Variants in HSP90AA1 observed in about 807,000 individuals in gnomAD.
HSP90AA1 encodes the protein heat shock protein 90 alpha family class A member 1, also known as heat shock protein HSP 90-alpha.
Under a neutral mutation model 73.3 loss-of-function variants are expected in HSP90AA1, and 18 were observed. That is an observed-to-expected ratio of 0.25 (90% CI 0.17 to 0.36). The LOEUF is 0.36. HSP90AA1 is among the 10% of genes least tolerant of loss of function. The pLI, the probability that HSP90AA1 is intolerant of heterozygous loss-of-function variation, is 1.00. For missense variants in HSP90AA1, 704 were observed against 874.2 expected (o/e 0.81, Z 2.45); for synonymous variants, 477 against 296.9 (o/e 1.61, Z -6.24).
Position 102,108,211 on chromosome 14 carries a change from C to T in HSP90AA1, c.156-6126G>A, listed in dbSNP as rs367841771. On this transcript the variant is annotated intron_variant, in intron 1 of 11. Coordinates refer to the HSP90AA1 transcript ENST00000334701. ...CTGGGAGGTTGAGGCTGCAGTGAGC[C>T]ATAATCATGACATTGCACTACAGCG... Among the ~76,000 whole-genome samples the T allele has an allele frequency of 1.2e-3, 153 of 132,820 alleles. 1 individual carries two copies. Among genetic ancestry groups the T allele is most frequent in the African/African-American group, 4.1e-3 (148 of 36,302 alleles). 87.1% of individuals were successfully genotyped at this position (132,820 alleles called of 152,430 possible).
intron 2 of HSP90AA1, among the ~76,000 whole-genome samples, chr14:102,094,984 C>G (rs1458878886): frequency 6.6e-6 from 1 of 152,082 alleles, no homozygotes; most frequent in East Asian, 1.9e-4. Flanking sequence ...CCCAGAGGCT[C>G]CCGGGTGGGT....
At chr14:102,135,585 C>T (rs1388462523) in intron 1 of HSP90AA1, among the ~76,000 whole-genome samples, 4 of 152,238 alleles carry the variant, frequency 2.6e-5, no homozygotes, top group Non-Finnish European at 5.9e-5. Flanking sequence ...GGGGAGGCTC[C>T]GGCCGCACAG....
chr14:102,121,678 C>G (rs545085804), intron 1 of HSP90AA1, among the ~76,000 whole-genome samples: 1 of 152,150 alleles, frequency 6.6e-6, no homozygotes, highest in South Asian at 2.1e-4. Context: ...AAAATAGTTT[C>G]AATTTGCATT....
intron 1 of HSP90AA1, among the ~76,000 whole-genome samples, chr14:102,117,452 C>A (rs144942327): frequency 6.5e-4 from 98 of 150,508 alleles, no homozygotes; most frequent in African/African-American, 2.3e-3. Context: ...GAGCTGAAGA[C>A]AGGATGACCA....
At chr14:102,101,920 T>G (rs749928374) in exon 2 of HSP90AA1, 2 of 1,614,178 alleles carry the variant, frequency 1.2e-6, no homozygotes, top group South Asian at 1.1e-5. Context: ...TGTAGAGGTG[T>G]TGCCCTGCAC....
At chr14:102,139,561 G>GC in exon 1 of HSP90AA1, 1 of 795,846 alleles carries the variant, frequency 1.3e-6, no homozygotes, top group Admixed American at 2.9e-5. Context: ...CATGACACCA[G>GC]CCCCGCCGCG....
intron 2 of HSP90AA1, among the ~76,000 whole-genome samples, chr14:102,097,413 T>C (rs947677248): frequency 2.0e-5 from 3 of 151,534 alleles, no homozygotes; most frequent in African/African-American, 7.3e-5. Flanking sequence ...TCCCTGCTCC[T>C]CCCCAAAACC....
chr14:102,139,441 G>T, exon 1 of HSP90AA1: 1 of 1,506,662 alleles, frequency 6.6e-7, no homozygotes. Context: ...TGCTGGCTCC[G>T]AAGCGGTGGC....
At chr14:102,132,609 G>A (rs990752814) in intron 1 of HSP90AA1, among the ~76,000 whole-genome samples, 1 of 152,048 alleles carries the variant, frequency 6.6e-6, no homozygotes, top group Admixed American at 6.6e-5. Flanking sequence ...TTATTCCTAC[G>A]CTTAAGTGTG....
At chr14:102,134,149 C>CAA (rs111867119) in intron 1 of HSP90AA1, among the ~76,000 whole-genome samples, 15 of 139,024 alleles carry the variant, frequency 1.1e-4, no homozygotes, top group African/African-American at 3.7e-4. Flanking sequence ...AGACCTGTCT[C>CAA]AAAAAAAAAA....
intron 1 of HSP90AA1, 31 bp from the exon 2 acceptor site, chr14:102,086,409 T>C (rs1449697903): frequency 1.2e-6 from 2 of 1,613,750 alleles, no homozygotes; most frequent in South Asian, 1.1e-5. Flanking sequence ...TTTAAAACCT[T>C]GCAGGACGTC....
At chr14:102,131,413 A>C (rs1227156923) in intron 1 of HSP90AA1, among the ~76,000 whole-genome samples, 1 of 152,118 alleles carries the variant, frequency 6.6e-6, no homozygotes, top group Non-Finnish European at 1.5e-5. Context: ...GGATTACTAC[A>C]GTTAGCTTCC....
intron 1 of HSP90AA1, among the ~76,000 whole-genome samples, chr14:102,130,598 A>G (rs1278470277): frequency 6.6e-6 from 1 of 152,200 alleles, no homozygotes; most frequent in African/African-American, 2.4e-5. Flanking sequence ...AGAAATGTCT[A>G]TTCAGATCCT....
intron 1 of HSP90AA1, among the ~76,000 whole-genome samples, chr14:102,137,798 G>C (rs1375520580): frequency 6.6e-6 from 1 of 151,872 alleles, no homozygotes; most frequent in Non-Finnish European, 1.5e-5. Context: ...GGGTGGATCA[G>C]CAGGTCAAGA....
In HSP90AA1 at chr14:102,086,220, T is replaced by C. The variant is rs2049229168; in HGVS notation, c.159A>G (p.Ser53=). ...IFLRELISNS[S]DALDKIRYES... is the part of the protein sequence containing the mutation. ...TCTGGGTTAATAAGTGACTTACATCTGATGAATTTGAAATGAGCTCTCTCA... is the reference window on the plus strand; with the variant it reads ...TCTGGGTTAATAAGTGACTTACATCCGATGAATTTGAAATGAGCTCTCTCA... The change falls in exon 2 of 11, where the codon TCA becomes TCG. Residue 53 remains serine (S), a synonymous_variant. Transcript: ENST00000216281. 1.9e-6 allele frequency: 3 copies of C among 1,614,048 alleles called. No homozygotes were observed. Among genetic ancestry groups the C allele is most frequent in the African/African-American group, 1.3e-5 (1 of 74,920 alleles).
In HSP90AA1 at chr14:102,084,952, T is replaced by C. The variant is rs1192739012; in HGVS notation, c.710A>G (p.Glu237Gly). Residue 237 changes from glutamate (E) to glycine (G), a missense_variant, in exon 5 of 11, where the codon GAA becomes GGA. Transcript: ENST00000216281. Reference sequence around the variant, plus strand: ...TTTTTCTTCTTCTTTGTCTTCCTTTTCTTCAGCCTCATCATCGCTTACTTC... The same window carrying C: ...TTTTTCTTCTTCTTTGTCTTCCTTTCCTTCAGCCTCATCATCGCTTACTTC... ...DKEVSDDEAE[E>G]KEDKEEEKEK... 6.2e-7 allele frequency: 1 copy of C among 1,606,632 alleles called. No individual in the cohort carries two copies. Among genetic ancestry groups the C allele is most frequent in the South Asian group, 1.1e-5 (1 of 90,912 alleles).
intron 1 of HSP90AA1, among the ~76,000 whole-genome samples, chr14:102,129,462 C>G (rs1343402921): frequency 6.6e-6 from 1 of 152,086 alleles, no homozygotes; most frequent in African/African-American, 2.4e-5. Context: ...TTCCCCATCC[C>G]TAGGCTACCA....
intron 1 of HSP90AA1, among the ~76,000 whole-genome samples, chr14:102,109,499 C>T (rs1216735492): frequency 6.6e-6 from 1 of 152,166 alleles, no homozygotes; most frequent in African/African-American, 2.4e-5. Context: ...CCTGCACAAG[C>T]TCTCTCTTTG....
chr14:102,124,586 G>A (rs1056332552), intron 1 of HSP90AA1, among the ~76,000 whole-genome samples: 6 of 151,630 alleles, frequency 4.0e-5, no homozygotes, highest in Admixed American at 1.3e-4. Flanking sequence ...CCCCAGGCTG[G>A]AGTGCAGTGG....
Sources: gnomAD v4.1 joint callset for allele counts (sites outside exome capture counted in the v4.1 genomes callset) on GRCh38, gnomAD v4.1.1 for gene constraint, MANE v1.5 for transcripts, NCBI Gene and HGNC (gene_info 2026-07-23, HGNC 2026-07-21) for gene names.